The following ICA1 variants were observed in gnomAD, a reference collection of about 807,000 sequenced individuals.
ICA1 encodes 69 kDa islet cell autoantigen.
Under a neutral mutation model 71.0 loss-of-function variants are expected in ICA1, and 40 were observed. The ratio of observed to expected loss-of-function variants is 0.56; its 90% CI spans 0.44 to 0.73. The LOEUF (loss-of-function observed/expected upper bound fraction) is 0.73, where lower values mean the gene tolerates loss of function less well. Among genes scored for constraint, ICA1 ranks in the 30% least tolerant of loss-of-function variants. The probability of loss-of-function intolerance (pLI) is 0.00; values close to 1 mark genes in which losing one functional copy is unlikely to be tolerated. For synonymous variants in ICA1, 207 were observed against 209.5 expected (o/e 0.99, Z 0.10); for missense variants, 578 against 576.5 (o/e 1.00, Z -0.03).
At chr7:8,200,214 T>G (rs1789089191) in intron 6 of ICA1, among the ~76,000 whole-genome samples, 1 of 150,664 alleles carries the variant, frequency 6.6e-6, no homozygotes, top group Admixed American at 6.6e-5. Flanking sequence ...AAAATAAAAT[T>G]TAAAAAATTA....
Position 8,226,685 on chromosome 7 carries a change from G to A in ICA1, c.256+1916C>T, listed in dbSNP as rs1798693674. ...AGAACTCCTCCTTCCTGTCTCTGCT[G>A]AGATGGCATGGCTCATGTGAGCTTA... On this transcript the variant is annotated intron_variant, in intron 4 of 13. Transcript: ENST00000402384. This position sits in a 1 kb window ranked among gnomAD's most constrained non-coding sequence, Gnocchi z 4.4. Among the ~76,000 whole-genome samples the A allele has an allele frequency of 6.6e-6, 1 of 152,210 alleles. No individual in the cohort carries two copies. Among genetic ancestry groups the A allele is most frequent in the Non-Finnish European group, 1.5e-5 (1 of 68,040 alleles).
chr7:8,124,058 A>C (rs1788063394), intron 13 of ICA1, among the ~76,000 whole-genome samples: 1 of 149,586 alleles, frequency 6.7e-6, no homozygotes, highest in Non-Finnish European at 1.5e-5. Context: ...TGCCACACTG[A>C]GTGCTGGCTG....
intron 13 of ICA1, among the ~76,000 whole-genome samples, chr7:8,125,154 A>T (rs1466665164): frequency 1.3e-5 from 2 of 152,210 alleles, no homozygotes; most frequent in Non-Finnish European, 2.9e-5. Context: ...TAGCAGACAG[A>T]ATGACCCTTT....
At chr7:8,176,685 G>A (rs1235612352) in intron 6 of ICA1, among the ~76,000 whole-genome samples, 3 of 152,092 alleles carry the variant, frequency 2.0e-5, no homozygotes, top group Non-Finnish European at 4.4e-5. Context: ...TCTTCAACAG[G>A]GCACAACATG....
intron 13 of ICA1, among the ~76,000 whole-genome samples, chr7:8,125,654 T>C (rs1001997982): frequency 1.3e-4 from 20 of 152,222 alleles, no homozygotes; most frequent in African/African-American, 4.8e-4. Flanking sequence ...CCTGTTACAA[T>C]GTGGGCTCCA....
chr7:8,210,418 CA>C (rs1276893035), intron 6 of ICA1, among the ~76,000 whole-genome samples: 2 of 152,224 alleles, frequency 1.3e-5, no homozygotes, highest in South Asian at 2.1e-4. Context: ...CTTTTCAGGA[CA>C]TAAACACATC....
chr7:8,150,452 A>G (rs1798419196), intron 8 of ICA1, among the ~76,000 whole-genome samples: 1 of 152,252 alleles, frequency 6.6e-6, no homozygotes, highest in Non-Finnish European at 1.5e-5. Flanking sequence ...ATCCTCACAA[A>G]ACCCAGTTAA....
chr7:8,156,933 AAAAAAAAAAAAAAAAAAAAAAGAAAG>A, intron 8 of ICA1, 157 bp downstream of exon 8: 2 of 1,089,086 alleles, frequency 1.8e-6, no homozygotes, highest in Non-Finnish European at 2.5e-6. Context: ...ATGCAGTAAA[AAAAAAAAAAAAAAAAAAAAAAGAAAG>A]AAAGAAAGAA....
At position 8,130,150 on chromosome 7, in the gene ICA1, A is replaced by G. The variant is rs1037175135; in HGVS notation, c.1061-2008T>C. Among the ~76,000 whole-genome samples, 3 of 152,202 alleles carry G rather than the reference A, an allele frequency of 2.0e-5. No homozygotes were observed. Among genetic ancestry groups the G allele is most frequent in the African/African-American group, 7.2e-5 (3 of 41,454 alleles). ...TCCAAGTCTTTGCTGCTAGTGCCGC[A>G]ATAAACATACGTGGGCATGTGTCTT... On this transcript the variant is annotated intron_variant, in intron 12 of 13. Transcript: ENST00000402384. The surrounding 1 kb of genome is among the most constrained non-coding windows in gnomAD (Gnocchi z 4.2).
rs368373798 is a variant in ICA1, at chr7:8,143,058, AT to A, written c.902+816del. Among the ~76,000 whole-genome samples, 906 of 152,262 alleles carry A rather than the reference AT, an allele frequency of 6.0e-3. 7 individuals are homozygous for A. The highest frequency in any genetic ancestry group is 0.02 in the Middle Eastern group (6 of 294). ...GTTTTACGATAAGACTGTCATCTAA[AT>A]TTTTTTTGTGTGTGGAAAAGGAGTA... is the stretch of plus-strand genomic sequence containing the variant. On this transcript the variant is annotated intron_variant, in intron 9 of 13. Transcript: ENST00000402384.
Position 8,203,335 on chromosome 7 carries a change from T to TA in ICA1, c.579+14969dup, listed in dbSNP as rs36093547. Among the ~76,000 whole-genome samples the TA allele has an allele frequency of 7.3e-5, 11 of 151,642 alleles. No homozygotes were observed. In the East Asian group the frequency reaches 1.2e-3, roughly 16 times the overall value. On this transcript the variant is annotated intron_variant, in intron 6 of 13. Transcript: ENST00000402384. ...TCCATGTAGGTAAAGCATATTCTATTAAAAAAAAAGTTAAGACATAAGAAA... is the reference window on the plus strand; with the variant it reads ...TCCATGTAGGTAAAGCATATTCTATTAAAAAAAAAAGTTAAGACATAAGAAA...
At chr7:8,153,296 A>T (rs1584629765) in intron 8 of ICA1, among the ~76,000 whole-genome samples, 2 of 152,334 alleles carry the variant, frequency 1.3e-5, no homozygotes, top group East Asian at 3.9e-4. Context: ...ATTTTCATTA[A>T]ATACAGGCAC....
At chr7:8,249,155 T>C (rs1041274019) in intron 1 of ICA1, among the ~76,000 whole-genome samples, 1 of 152,254 alleles carries the variant, frequency 6.6e-6, no homozygotes, top group East Asian at 1.9e-4. Flanking sequence ...ACAAATGCCA[T>C]GGCAGAGGAA....
rs1801717722 is a variant in ICA1 at position 8,235,941 on chromosome 7, C to T, written c.-15G>A. ...TGTCCTGACATGTTTTCTTCTTCTT[C>T]TATTGTTGATGATTTGGGGAGAAGG... On this transcript the variant is annotated 5_prime_UTR_variant, in exon 2 of 14. The change abolishes the stop of an existing upstream ORF in the 5' untranslated region. Transcript: ENST00000402384. The T allele has an allele frequency of 6.2e-7, 1 of 1,611,352 alleles. No homozygotes were observed. Among genetic ancestry groups the T allele is most frequent in the Admixed American group, 1.7e-5 (1 of 59,696 alleles).
chr7:8,160,814 T>A (rs1803488188), intron 6 of ICA1, among the ~76,000 whole-genome samples: 1 of 152,166 alleles, frequency 6.6e-6, no homozygotes, highest in African/African-American at 2.4e-5. Context: ...GTAGTTTAAA[T>A]TCCCTGGGAG....
chr7:8,143,504 A>G (rs1795897588), intron 9 of ICA1, among the ~76,000 whole-genome samples: 1 of 152,228 alleles, frequency 6.6e-6, no homozygotes. Context: ...TTTCCTATCT[A>G]GAAGAGCATC....
chr7:8,239,474 C>T (rs920562665), intron 1 of ICA1, among the ~76,000 whole-genome samples: 5 of 152,186 alleles, frequency 3.3e-5, no homozygotes, highest in South Asian at 2.1e-4. Flanking sequence ...CAGCTCCCAG[C>T]GTGGCTGACG....
intron 6 of ICA1, among the ~76,000 whole-genome samples, chr7:8,185,719 G>C (rs1391217622): frequency 6.6e-6 from 1 of 152,246 alleles, no homozygotes; most frequent in African/African-American, 2.4e-5. Flanking sequence ...CTAGAACAAG[G>C]TCATTTGATC....
chr7:8,127,202 G>C (rs1043427937), intron 13 of ICA1, among the ~76,000 whole-genome samples: 1 of 150,686 alleles, frequency 6.6e-6, no homozygotes, highest in African/African-American at 2.5e-5. Flanking sequence ...TTGTTGGCCA[G>C]GCTGGTCTCA....
Sources: allele counts gnomAD v4.1 joint callset (sites outside exome capture counted in the v4.1 genomes callset), GRCh38; gene constraint gnomAD v4.1.1; non-coding constraint Gnocchi (gnomAD v3.1); transcripts MANE v1.5; gene names NCBI Gene and HGNC (gene_info 2026-07-23, HGNC 2026-07-21).